KCNMA1: variants seen among roughly 807,000 people sequenced by gnomAD.
KCNMA1 encodes the protein potassium calcium-activated channel subfamily M alpha 1.
A neutral mutation model predicts 140.0 loss-of-function variants in KCNMA1; 29 were observed. That is an observed-to-expected ratio of 0.21 (90% CI 0.15 to 0.28). KCNMA1 has a LOEUF of 0.28. Among genes scored for constraint, KCNMA1 ranks in the 10% least tolerant of loss-of-function variants. The pLI is 1.00. For missense variants in KCNMA1, 880 were observed against 1,602.2 expected, an observed-to-expected ratio of 0.55 and a Z score of 7.70; for synonymous variants, 612 against 611.9, an observed-to-expected ratio of 1.00 and a Z score of 0.00.
intron 2 of KCNMA1, among the ~76,000 whole-genome samples, chr10:77,277,779 C>A (rs1346282497): frequency 1.3e-5 from 2 of 152,238 alleles, no homozygotes; most frequent in African/African-American, 4.8e-5. Flanking sequence ...CCTAAGTGGT[C>A]TCCCTGCTTC....
intron 2 of KCNMA1, among the ~76,000 whole-genome samples, chr10:77,252,556 T>TGC (rs1555076843): frequency 1.1e-4 from 17 of 149,318 alleles, no homozygotes; most frequent in African/African-American, 3.2e-4. Context: ...TGTGTGTGTG[T>TGC]GCGGGCACGT....
chr10:77,407,831 GAGTAAT>G (rs2096523540), intron 1 of KCNMA1, among the ~76,000 whole-genome samples: 1 of 152,208 alleles, frequency 6.6e-6, no homozygotes, highest in Non-Finnish European at 1.5e-5. Flanking sequence ...GGGCCTCTAA[GAGTAAT>G]CCACTGAAGC....
chr10:77,234,804 G>GCC (rs2054828829), intron 3 of KCNMA1, among the ~76,000 whole-genome samples: 1 of 152,208 alleles, frequency 6.6e-6, no homozygotes, highest in African/African-American at 2.4e-5. Flanking sequence ...ACAAATGACA[G>GCC]AGTTGGGATT....
At position 77,006,867 on chromosome 10, in the gene KCNMA1, A is replaced by G. The variant is rs577196143; in HGVS notation, c.2092+5100T>C. Among the ~76,000 whole-genome samples, 3 of 152,336 alleles carry G rather than the reference A, an allele frequency of 2.0e-5. No individual in the cohort carries two copies. The South Asian group carries it at 6.2e-4, about 32-fold the overall frequency. On this transcript the variant is annotated intron_variant, in intron 18 of 27. Coordinates refer to ENST00000286628, the MANE Select transcript of KCNMA1 (RefSeq NM_001161352.2). ...GGGTTCTGTCGATGAAGAAAGCCAC[A>G]GAGTCGATTTTGGCAAGACTGTGCA...
chr10:77,213,818 G>A, intron 3 of KCNMA1, among the ~76,000 whole-genome samples: 1 of 152,026 alleles, frequency 6.6e-6, no homozygotes, highest in East Asian at 1.9e-4. Context: ...TGATATCTCG[G>A]CCTCAAACAC....
At chr10:77,103,339 C>T (rs1242331030) in intron 9 of KCNMA1, among the ~76,000 whole-genome samples, 1 of 152,132 alleles carries the variant, frequency 6.6e-6, no homozygotes, top group Non-Finnish European at 1.5e-5. Context: ...GGTGAATATT[C>T]CAAGTCAAAG....
intron 18 of KCNMA1, among the ~76,000 whole-genome samples, chr10:77,007,073 A>T (rs1029342116): frequency 6.6e-6 from 1 of 152,218 alleles, no homozygotes; most frequent in Admixed American, 6.5e-5. Context: ...ACTGTTCCAC[A>T]GATTGGGTCT....
chr10:77,340,498 G>A (rs2090548100), intron 2 of KCNMA1, among the ~76,000 whole-genome samples: 1 of 152,108 alleles, frequency 6.6e-6, no homozygotes, highest in African/African-American at 2.4e-5. Context: ...TTAAGAAAAT[G>A]TGCACATATA....
chr10:76,912,112 C>T (rs2050565000), intron 24 of KCNMA1: 1 of 152,072 alleles, frequency 6.6e-6, no homozygotes, highest in Non-Finnish European at 1.5e-5. Context: ...TTCTGAAATA[C>T]CCAGTCTCAG....
intron 23 of KCNMA1, among the ~76,000 whole-genome samples, chr10:76,916,099 A>T (rs1284836225): frequency 6.6e-6 from 1 of 152,002 alleles, no homozygotes; most frequent in Non-Finnish European, 1.5e-5. Context: ...AGATGTTCAC[A>T]TTTTTTTCTT....
intron 1 of KCNMA1, among the ~76,000 whole-genome samples, chr10:77,467,190 T>C (rs777530344): frequency 8.3e-4 from 126 of 152,326 alleles, no homozygotes; most frequent in Admixed American, 1.4e-3. Flanking sequence ...AAAAAAACTC[T>C]TACATTGCAG....
chr10:77,022,474 G>A (rs2092970567), intron 16 of KCNMA1, among the ~76,000 whole-genome samples: 2 of 152,160 alleles, frequency 1.3e-5, no homozygotes, highest in South Asian at 2.1e-4. Context: ...GGCTGGTGTG[G>A]TCCCTTGCTG....
chr10:77,218,975 C>A (rs1398931348), intron 3 of KCNMA1, among the ~76,000 whole-genome samples: 4 of 152,174 alleles, frequency 2.6e-5, no homozygotes, highest in African/African-American at 9.7e-5. Context: ...GCATAAGCTA[C>A]TGCGCCTGGC....
chr10:76,959,493 C>T (rs1165262965), intron 20 of KCNMA1, among the ~76,000 whole-genome samples: 1 of 152,152 alleles, frequency 6.6e-6, no homozygotes, highest in East Asian at 1.9e-4. Flanking sequence ...CAATGGATTC[C>T]ATTTGAGGAT....
rs752323602 is a variant in KCNMA1 at position 77,296,910 on chromosome 10, G to GT, written c.541-45655_541-45654insA. On this transcript the variant is annotated intron_variant, in intron 2 of 27. Coordinates refer to ENST00000286628, the MANE Select transcript of KCNMA1 (RefSeq NM_001161352.2). ...TCTAAGAGGAATGCCTGGGTGTGTG[G>GT]GCGGGGGGGCGGTGGGGGAATGTAG... 3.9e-3 allele frequency among the ~76,000 whole-genome samples: 584 copies of GT among 148,032 alleles called. 11 individuals carry two copies. Among genetic ancestry groups the GT allele is most frequent in the South Asian group, 5.0e-3 (23 of 4,620 alleles).
At chr10:77,258,968 A>AAT (rs1555089503) in intron 2 of KCNMA1, among the ~76,000 whole-genome samples, 1 of 152,100 alleles carries the variant, frequency 6.6e-6, no homozygotes, top group Non-Finnish European at 1.5e-5. Context: ...GTCTCAAAAA[A>AAT]ATATATATAT....
At chr10:77,574,783 G>T (rs2073393149) in intron 1 of KCNMA1, among the ~76,000 whole-genome samples, 1 of 152,224 alleles carries the variant, frequency 6.6e-6, no homozygotes, top group African/African-American at 2.4e-5. Context: ...ACTTTGAATG[G>T]TGCACCCAAC....
intron 2 of KCNMA1, among the ~76,000 whole-genome samples, chr10:77,352,731 A>G (rs1372523760): frequency 2.6e-5 from 4 of 152,188 alleles, no homozygotes; most frequent in Admixed American, 6.5e-5. Context: ...GGAATATGCA[A>G]AAGAAAGTGA....
intron 3 of KCNMA1, among the ~76,000 whole-genome samples, chr10:77,206,816 A>AGG (rs202180223): frequency 6.4e-4 from 31 of 48,640 alleles, no homozygotes; most frequent in African/African-American, 7.7e-4. Flanking sequence ...GCAGGGAGGG[A>AGG]GGGGGGGGCG....
Sources: allele counts gnomAD v4.1 joint callset (sites outside exome capture counted in the v4.1 genomes callset), GRCh38; gene constraint gnomAD v4.1.1; transcripts MANE v1.5; gene names NCBI Gene and HGNC (gene_info 2026-07-23, HGNC 2026-07-21).